FAM81B: variants seen among roughly 807,000 people sequenced by gnomAD.
FAM81B encodes the protein family with sequence similarity 81 member B, also known as protein FAM81B.
FAM81B carries 60 observed loss-of-function variants against 58.7 expected under a neutral mutation model. The observed-to-expected ratio is 1.02, with a 90% CI of 0.83 to 1.27. The LOEUF is 1.27. FAM81B is among the 50% of genes most tolerant of loss of function. The pLI, the probability that FAM81B is intolerant of heterozygous loss-of-function variation, is 0.00. For missense variants in FAM81B, 491 were observed against 522.0 expected, an observed-to-expected ratio of 0.94 and a Z score of 0.58; for synonymous variants, 189 against 179.6, an observed-to-expected ratio of 1.05 and a Z score of -0.42.
intron 9 of FAM81B, among the ~76,000 whole-genome samples, chr5:95,449,892 G>A (rs1434468191): frequency 2.0e-5 from 3 of 152,138 alleles, no homozygotes; most frequent in African/African-American, 7.2e-5. Context: ...ATAGAATTAT[G>A]CAATATATTT....
intron 5 of FAM81B, among the ~76,000 whole-genome samples, chr5:95,425,669 T>G (rs1004103122): frequency 2.0e-5 from 3 of 152,154 alleles, no homozygotes; most frequent in African/African-American, 7.2e-5. Context: ...GAACATCTAA[T>G]CTACATATAA....
At chr5:95,428,786 A>AT (rs1257402022) in intron 6 of FAM81B, 54 bp downstream of exon 6, 8 of 1,603,382 alleles carry the variant, frequency 5.0e-6, no homozygotes, top group Non-Finnish European at 6.8e-6. Context: ...AAGTAAGATC[A>AT]TTATAGCTTA....
chr5:95,407,425 T>A (rs11749602), intron 3 of FAM81B, among the ~76,000 whole-genome samples: 1 of 146,884 alleles, frequency 6.8e-6, no homozygotes, highest in African/African-American at 2.5e-5. Flanking sequence ...CACACACGCG[T>A]GCGCGCACAC....
At chr5:95,422,580 TCAAA>T (rs1762715673) in intron 5 of FAM81B, among the ~76,000 whole-genome samples, 2 of 152,140 alleles carry the variant, frequency 1.3e-5, no homozygotes, top group African/African-American at 2.4e-5. Flanking sequence ...CCTCCCAGGT[TCAAA>T]CAATTATCAT....
intron 6 of FAM81B, among the ~76,000 whole-genome samples, chr5:95,433,556 G>A (rs1744992530): frequency 6.6e-6 from 1 of 152,052 alleles, no homozygotes; most frequent in Admixed American, 6.6e-5. Flanking sequence ...TGTTATGCTG[G>A]TATTCATTTT....
chr5:95,439,781 T>G (rs1416014039), intron 7 of FAM81B, among the ~76,000 whole-genome samples: 5 of 152,184 alleles, frequency 3.3e-5, no homozygotes, highest in African/African-American at 1.2e-4. Flanking sequence ...AGATAATGTA[T>G]AGAATTCACT....
At chr5:95,438,677 C>T (rs1253692412) in intron 7 of FAM81B, among the ~76,000 whole-genome samples, 2 of 151,822 alleles carry the variant, frequency 1.3e-5, no homozygotes, top group African/African-American at 2.4e-5. Context: ...ACTCTATAAA[C>T]CATGCTTTTC....
chr5:95,432,657 A>G (rs1744949513), intron 6 of FAM81B, among the ~76,000 whole-genome samples: 1 of 151,976 alleles, frequency 6.6e-6, no homozygotes, highest in Non-Finnish European at 1.5e-5. Flanking sequence ...AAAAAAATCT[A>G]TTTCCTTCAG....
At chr5:95,394,717 G>A (rs1223020385) in intron 2 of FAM81B, among the ~76,000 whole-genome samples, 2 of 152,148 alleles carry the variant, frequency 1.3e-5, no homozygotes, top group Admixed American at 1.3e-4. Context: ...CTCTCTCCTG[G>A]GGGTTCACAG....
chr5:95,404,004 G>C (rs1421678095), intron 3 of FAM81B, among the ~76,000 whole-genome samples: 1 of 152,154 alleles, frequency 6.6e-6, no homozygotes, highest in African/African-American at 2.4e-5. Flanking sequence ...GAACATCTAG[G>C]AGAAAACAAT....
At chr5:95,404,807 A>C (rs1222923517) in intron 3 of FAM81B, among the ~76,000 whole-genome samples, 2 of 152,244 alleles carry the variant, frequency 1.3e-5, no homozygotes, top group African/African-American at 4.8e-5. Context: ...TGGAGGATAG[A>C]CAATAAACAG....
chr5:95,393,024 C>A, intron 2 of FAM81B, 127 bp downstream of exon 2: 2 of 850,502 alleles, frequency 2.4e-6, no homozygotes, highest in South Asian at 2.8e-5. Context: ...TTTGTTCTGT[C>A]TTGGCAAAAT....
chr5:95,432,289 G>A (rs1744934186), intron 6 of FAM81B, among the ~76,000 whole-genome samples: 1 of 151,960 alleles, frequency 6.6e-6, no homozygotes. Flanking sequence ...AATGTTTGCT[G>A]ACATTTTACT....
intron 2 of FAM81B, among the ~76,000 whole-genome samples, chr5:95,394,601 A>G (rs759154909): frequency 1.3e-5 from 2 of 152,180 alleles, no homozygotes; most frequent in Non-Finnish European, 2.9e-5. Flanking sequence ...TAACGTGGCC[A>G]CCTGAGTGCC....
At chr5:95,432,572 C>G (rs1295302658) in intron 6 of FAM81B, among the ~76,000 whole-genome samples, 1 of 151,836 alleles carries the variant, frequency 6.6e-6, no homozygotes, top group Non-Finnish European at 1.5e-5. Flanking sequence ...GAGACAAGGT[C>G]TCTTTCTGTT....
intron 3 of FAM81B, among the ~76,000 whole-genome samples, chr5:95,410,990 G>A (rs1470831244): frequency 6.6e-6 from 1 of 152,144 alleles, no homozygotes; most frequent in Non-Finnish European, 1.5e-5. Context: ...CTGGGTCACA[G>A]GATAGTAAGA....
chr5:95,440,374 C>T (rs1745286459), intron 7 of FAM81B: 1 of 721,812 alleles, frequency 1.4e-6, no homozygotes, highest in Non-Finnish European at 2.6e-6. Flanking sequence ...GGTGTGAAGG[C>T]TAACCTGCTT....
intron 5 of FAM81B, among the ~76,000 whole-genome samples, chr5:95,422,030 G>C (rs950482151): frequency 3.9e-5 from 6 of 152,300 alleles, no homozygotes; most frequent in Admixed American, 3.3e-4. Flanking sequence ...GACGCCATCA[G>C]AATATTAGCT....
At chr5:95,428,986 A>AT (rs1744749189) in intron 6 of FAM81B, among the ~76,000 whole-genome samples, 1 of 152,144 alleles carries the variant, frequency 6.6e-6, no homozygotes, top group African/African-American at 2.4e-5. Context: ...CATTGCTGTT[A>AT]TTTTTTTACT....
Sources: allele counts gnomAD v4.1 joint callset (sites outside exome capture counted in the v4.1 genomes callset), GRCh38; gene constraint gnomAD v4.1.1; transcripts MANE v1.5; gene names NCBI Gene and HGNC (gene_info 2026-07-23, HGNC 2026-07-21).